The following MYRFL variants were observed in gnomAD, a reference collection of about 807,000 sequenced individuals.
MYRFL encodes the protein myelin regulatory factor-like protein.
A neutral mutation model predicts 109.4 loss-of-function variants in MYRFL; 88 were observed. The observed-to-expected ratio is 0.80, with a 90% CI of 0.68 to 0.96. The LOEUF (loss-of-function observed/expected upper bound fraction) is 0.96, where lower values mean the gene tolerates loss of function less well. MYRFL is among the 40% of genes least tolerant of loss of function. The probability of loss-of-function intolerance (pLI) is 0.00; values close to 1 mark genes in which losing one functional copy is unlikely to be tolerated. For synonymous variants in MYRFL, 324 were observed against 320.9 expected (o/e 1.01, Z -0.10); for missense variants, 957 against 954.9 (o/e 1.00, Z -0.03).
intron 1 of MYRFL, among the ~76,000 whole-genome samples, chr12:69,843,611 T>C (rs1343083871): frequency 6.6e-6 from 1 of 152,234 alleles, no homozygotes; most frequent in Non-Finnish European, 1.5e-5. Context: ...CATAGGCATA[T>C]GTAGATTTTT....
intron 13 of MYRFL, among the ~76,000 whole-genome samples, chr12:69,918,508 G>A (rs1954816422): frequency 6.6e-6 from 1 of 152,160 alleles, no homozygotes; most frequent in Admixed American, 6.5e-5. Flanking sequence ...AATACAAGGA[G>A]TGGGGTGCAG....
intron 14 of MYRFL, 35 bp downstream of exon 14, chr12:69,926,769 G>A: frequency 7.2e-7 from 1 of 1,381,654 alleles, no homozygotes; most frequent in Non-Finnish European, 9.4e-7. Flanking sequence ...GAAATTTGGG[G>A]AAAGGAGAGA....
chr12:69,942,023 T>C (rs1955666338), intron 19 of MYRFL, among the ~76,000 whole-genome samples: 1 of 150,094 alleles, frequency 6.7e-6, no homozygotes. Flanking sequence ...TAACAGGATC[T>C]GAAATTGTGG....
chr12:69,925,381 GTGAT>G (rs1317366325), intron 13 of MYRFL, among the ~76,000 whole-genome samples: 1 of 152,186 alleles, frequency 6.6e-6, no homozygotes, highest in East Asian at 1.9e-4. Context: ...TTCTTTCTGA[GTGAT>G]TGCTCTACAG....
At chr12:69,869,960 A>G (rs1053739934) in intron 2 of MYRFL, among the ~76,000 whole-genome samples, 2 of 152,162 alleles carry the variant, frequency 1.3e-5, no homozygotes, top group African/African-American at 4.8e-5. Context: ...TTTGGTTCAC[A>G]TAGATTCAAC....
At chr12:69,935,190 G>T (rs1160851702) in intron 16 of MYRFL, among the ~76,000 whole-genome samples, 2 of 150,964 alleles carry the variant, frequency 1.3e-5, no homozygotes, top group Non-Finnish European at 3.0e-5. Flanking sequence ...ATATGGCACA[G>T]TTTTTTTTTG....
At chr12:69,923,642 A>G (rs952458591) in intron 13 of MYRFL, among the ~76,000 whole-genome samples, 1 of 152,058 alleles carries the variant, frequency 6.6e-6, no homozygotes, top group Non-Finnish European at 1.5e-5. Flanking sequence ...TATTACTAAC[A>G]GTATGATTAT....
intron 23 of MYRFL, 136 bp downstream of exon 23, chr12:69,958,078 T>C: frequency 7.6e-7 from 1 of 1,323,356 alleles, no homozygotes; most frequent in Non-Finnish European, 1.0e-6. Context: ...GAAGTTGCCT[T>C]CTAAGGCAAC....
intron 15 of MYRFL, among the ~76,000 whole-genome samples, chr12:69,929,578 G>A (rs76841340): frequency 1.5e-4 from 23 of 152,344 alleles, no homozygotes; most frequent in Admixed American, 3.3e-4. Context: ...GTTTAGGGAA[G>A]ATAGTGGAAG....
At chr12:69,899,198 A>G (rs1954103426) in intron 10 of MYRFL, among the ~76,000 whole-genome samples, 1 of 151,798 alleles carries the variant, frequency 6.6e-6, no homozygotes, top group Non-Finnish European at 1.5e-5. Flanking sequence ...GAAGATAAGG[A>G]TTACTAACAT....
chr12:69,887,952 T>A (rs1886559273), intron 6 of MYRFL, among the ~76,000 whole-genome samples: 1 of 152,202 alleles, frequency 6.6e-6, no homozygotes, highest in African/African-American at 2.4e-5. Context: ...GATTATCTTT[T>A]GGGGAACATT....
intron 15 of MYRFL, among the ~76,000 whole-genome samples, chr12:69,928,934 G>C (rs1051845786): frequency 1.3e-5 from 2 of 152,132 alleles, no homozygotes; most frequent in African/African-American, 4.8e-5. Flanking sequence ...AATCTCTGTA[G>C]CTCCCATCTT....
intron 6 of MYRFL, 68 bp downstream of exon 6, chr12:69,887,038 A>G (rs1886500823): frequency 2.7e-6 from 4 of 1,479,326 alleles, no homozygotes; most frequent in South Asian, 2.6e-5. Context: ...ACTGAGTTCA[A>G]GCACTGGAGC....
At chr12:69,884,909 A>G (rs953386240) in intron 5 of MYRFL, among the ~76,000 whole-genome samples, 3 of 152,232 alleles carry the variant, frequency 2.0e-5, no homozygotes, top group Non-Finnish European at 2.9e-5. Flanking sequence ...TGAAGCTCAG[A>G]GAGCTTAAAT....
intron 1 of MYRFL, among the ~76,000 whole-genome samples, chr12:69,851,189 C>A (rs1883856538): frequency 6.6e-6 from 1 of 152,018 alleles, no homozygotes. Flanking sequence ...ACATGATAAC[C>A]CAATGCATTA....
chr12:69,847,627 A>G lies in MYRFL; in HGVS notation c.47-7653A>G, dbSNP rs181249237. Among the ~76,000 whole-genome samples the G allele has an allele frequency of 1.9e-4, 29 of 152,306 alleles. No homozygotes were observed. In the South Asian group the frequency reaches 2.1e-3, roughly 11 times the overall value. ...TCATTAGCTGGCTCTGGAGTCCTAG[A>G]AAATATTTACCTCGCTCTTCAAATG... On this transcript the variant is annotated intron_variant, in intron 1 of 24. Coordinates refer to ENST00000552032, the MANE Select transcript of MYRFL (RefSeq NM_182530.3).
chr12:69,842,554 G>A (rs1883304385), intron 1 of MYRFL, among the ~76,000 whole-genome samples: 1 of 152,192 alleles, frequency 6.6e-6, no homozygotes, highest in South Asian at 2.1e-4. Flanking sequence ...AATTGCTATG[G>A]TGATTGAAAT....
At chr12:69,846,136 G>GTC (rs1883525774) in intron 1 of MYRFL, among the ~76,000 whole-genome samples, 1 of 26,956 alleles carries the variant, frequency 3.7e-5, no homozygotes, top group Admixed American at 5.3e-4. Flanking sequence ...TTTTTTTTAT[G>GTC]ACTGCCACAG....
chr12:69,931,104 GACTCA>G (rs1955258565), intron 15 of MYRFL, among the ~76,000 whole-genome samples: 1 of 152,128 alleles, frequency 6.6e-6, no homozygotes, highest in East Asian at 1.9e-4. Context: ...ATAACTTGAA[GACTCA>G]ACTCTAAGTC....
Sources: gnomAD v4.1 joint callset for allele counts (sites outside exome capture counted in the v4.1 genomes callset) on GRCh38, gnomAD v4.1.1 for gene constraint, MANE v1.5 for transcripts, NCBI Gene and HGNC (gene_info 2026-07-23, HGNC 2026-07-21) for gene names.